Variants in SV2C observed in about 807,000 individuals in gnomAD.
SV2C encodes the protein solute carrier family 22 member B3.
In SV2C, 49 loss-of-function variants were observed where a neutral mutation model predicts 79.7. The observed-to-expected ratio is 0.61, with a 90% confidence interval of 0.49 to 0.78. The LOEUF (loss-of-function observed/expected upper bound fraction) is 0.78, where lower values mean the gene tolerates loss of function less well. Ranked by LOEUF, SV2C falls within the 30% of genes least tolerant of loss-of-function variation. SV2C has a pLI of 0.00. For missense variants in SV2C, 833 were observed against 912.9 expected, an observed-to-expected ratio of 0.91 and a Z score of 1.13; for synonymous variants, 334 against 333.2, an observed-to-expected ratio of 1.00 and a Z score of -0.03.
the SV2C span, among the ~76,000 whole-genome samples, chr5:76,036,884 A>G: frequency 4.6e-5 from 7 of 152,204 alleles, no homozygotes; most frequent in Non-Finnish European, 1.0e-4. Flanking sequence ...AGGTACACCA[A>G]TCAGACGTAG....
intron 1 of SV2C, among the ~76,000 whole-genome samples, chr5:76,123,420 AC>A (rs1374454391): frequency 1.3e-5 from 2 of 152,188 alleles, no homozygotes; most frequent in African/African-American, 4.8e-5. Flanking sequence ...CAGAGACACA[AC>A]CAAAAAAGAG....
the SV2C span, among the ~76,000 whole-genome samples, chr5:75,964,696 A>G: frequency 6.6e-6 from 1 of 152,102 alleles, no homozygotes; most frequent in East Asian, 1.9e-4. Flanking sequence ...CTCTTCCTCC[A>G]CTTTCTGTCT....
chr5:75,944,524 C>T, the SV2C span, among the ~76,000 whole-genome samples: 3 of 152,044 alleles, frequency 2.0e-5, no homozygotes, highest in African/African-American at 4.8e-5. Context: ...ATACAAAAAG[C>T]AACTACCTGA....
intron 1 of SV2C, among the ~76,000 whole-genome samples, chr5:76,122,529 T>G (rs996191566): frequency 3.9e-5 from 6 of 152,212 alleles, no homozygotes; most frequent in Non-Finnish European, 8.8e-5. Flanking sequence ...GCTCTTATTA[T>G]TTTGAGATAC....
the SV2C span, among the ~76,000 whole-genome samples, chr5:76,041,679 C>G: frequency 6.6e-6 from 1 of 152,080 alleles, no homozygotes; most frequent in Non-Finnish European, 1.5e-5. Flanking sequence ...AGCCCTCTAG[C>G]CTTGGTCTGA....
At chr5:75,941,518 G>GT in the SV2C span, among the ~76,000 whole-genome samples, 1 of 152,168 alleles carries the variant, frequency 6.6e-6, no homozygotes, top group East Asian at 1.9e-4. Flanking sequence ...GACTCTGACA[G>GT]TTTTATTCCT....
intron 2 of SV2C, among the ~76,000 whole-genome samples, chr5:76,136,945 A>G (rs553338808): frequency 6.6e-6 from 1 of 152,346 alleles, no homozygotes; most frequent in African/African-American, 2.4e-5. Context: ...GGACTTTATC[A>G]TGAAATCATT....
chr5:76,051,155 A>G, the SV2C span, among the ~76,000 whole-genome samples: 1 of 152,176 alleles, frequency 6.6e-6, no homozygotes, highest in African/African-American at 2.4e-5. Context: ...TAAAATATTC[A>G]CAGAAAATGT....
At chr5:76,220,740 G>A (rs1420421892) in intron 4 of SV2C, among the ~76,000 whole-genome samples, 1 of 152,174 alleles carries the variant, frequency 6.6e-6, no homozygotes, top group African/African-American at 2.4e-5. Context: ...GCAGTCCGGG[G>A]CTGGTGTAGT....
chr5:76,278,048 T>A (rs1427104577), intron 4 of SV2C, among the ~76,000 whole-genome samples: 1 of 152,190 alleles, frequency 6.6e-6, no homozygotes, highest in East Asian at 1.9e-4. Context: ...CAAACTTAAT[T>A]TGAAAAAGTG....
At chr5:75,903,947 C>T in the SV2C span, among the ~76,000 whole-genome samples, 1 of 152,260 alleles carries the variant, frequency 6.6e-6, no homozygotes, top group East Asian at 1.9e-4. Flanking sequence ...TTGCATTCCT[C>T]TTTTATTCAA....
At chr5:76,298,021 A>G (rs1747837341) in intron 9 of SV2C, among the ~76,000 whole-genome samples, 1 of 151,898 alleles carries the variant, frequency 6.6e-6, no homozygotes, top group Admixed American at 6.6e-5. Flanking sequence ...TGGATCATGG[A>G]CTCTTCTAAG....
the SV2C span, among the ~76,000 whole-genome samples, chr5:75,969,178 C>T: frequency 6.6e-6 from 1 of 152,114 alleles, no homozygotes; most frequent in African/African-American, 2.4e-5. Context: ...GAAGGAAGCA[C>T]TAAACAAGGA....
the SV2C span, among the ~76,000 whole-genome samples, chr5:76,014,250 AGAAAG>A: frequency 6.9e-6 from 1 of 144,262 alleles, no homozygotes; most frequent in Admixed American, 7.2e-5. Context: ...AAGAGAAAGA[AGAAAG>A]GAAAGAAAGA....
At chr5:75,897,405 G>C in the SV2C span, among the ~76,000 whole-genome samples, 6,667 of 149,274 alleles carry the variant, frequency 0.045, 513 homozygotes, top group African/African-American at 0.16. Flanking sequence ...TCTGAGGGCT[G>C]TGCTCTGTTC....
At chr5:76,308,224 A>G (rs1748274771) in intron 12 of SV2C, among the ~76,000 whole-genome samples, 1 of 152,146 alleles carries the variant, frequency 6.6e-6, no homozygotes. Flanking sequence ...TACCAGGTGG[A>G]CGTAGAAGTC....
chr5:76,026,943 C>G, the SV2C span, among the ~76,000 whole-genome samples: 7 of 151,660 alleles, frequency 4.6e-5, no homozygotes, highest in East Asian at 7.7e-4. Flanking sequence ...CCAACCCCCA[C>G]TTTTTAGACT....
At chr5:76,227,107 T>C (rs953615926) in intron 4 of SV2C, among the ~76,000 whole-genome samples, 2 of 152,156 alleles carry the variant, frequency 1.3e-5, no homozygotes, top group African/African-American at 2.4e-5. Context: ...CGATGACACC[T>C]TACATGAGAA....
chr5:75,997,821 C>T, the SV2C span, among the ~76,000 whole-genome samples: 1 of 152,094 alleles, frequency 6.6e-6, no homozygotes, highest in African/African-American at 2.4e-5. Flanking sequence ...TACCATTTGA[C>T]CCAGCCATCC....
Sources: allele counts gnomAD v4.1 joint callset (sites outside exome capture counted in the v4.1 genomes callset), GRCh38; gene constraint gnomAD v4.1.1; transcripts MANE v1.5; gene names NCBI Gene and HGNC (gene_info 2026-07-23, HGNC 2026-07-21).